Variants in AK9 observed in about 807,000 individuals in gnomAD.
AK9 encodes the protein adenylate kinase 9.
AK9 carries 191 observed loss-of-function variants against 239.6 expected under a neutral mutation model. That is an observed-to-expected ratio of 0.80 (90% CI 0.71 to 0.90). The LOEUF (loss-of-function observed/expected upper bound fraction) is 0.90. AK9 is among the 40% of genes least tolerant of loss of function. The pLI is 0.00. For synonymous variants in AK9, 689 were observed against 721.0 expected (o/e 0.96, Z 0.71); for missense variants, 1,995 against 2,214.7 (o/e 0.90, Z 1.99).
In AK9 at chr6:109,612,050, A is replaced by G; in HGVS notation, c.1653T>C (p.Ser551=). ...ACTTTACATCTTGACTAGCATCTTG[A>G]GAATGCCTTTTAAATGTGAATGTTT... ...TGETFTFKRH[S]QDASQDVKLY... is the part of the protein sequence containing the mutation. The change falls in exon 16 of 41, where the codon TCT becomes TCC. Residue 551 remains serine, a synonymous_variant. Coordinates refer to ENST00000424296, the MANE Select transcript of AK9 (RefSeq NM_001145128.3). 1 of 1,540,072 alleles carries G rather than the reference A, an allele frequency of 6.5e-7. No individual in the cohort carries two copies. Among genetic ancestry groups the G allele is most frequent in the South Asian group, 1.2e-5 (1 of 81,628 alleles).
intron 17 of AK9, among the ~76,000 whole-genome samples, chr6:109,592,051 A>G (rs1790317046): frequency 6.6e-6 from 1 of 151,748 alleles, no homozygotes; most frequent in African/African-American, 2.4e-5. Context: ...GAAAAATTGG[A>G]TTCATGAAAT....
intron 17 of AK9, among the ~76,000 whole-genome samples, chr6:109,602,894 A>T (rs1792237138): frequency 6.6e-6 from 1 of 152,134 alleles, no homozygotes; most frequent in Non-Finnish European, 1.5e-5. Context: ...TTCGTCACGT[A>T]GTTCTCGTGC....
At chr6:109,659,489 T>G in intron 6 of AK9, 76 bp from the exon 7 acceptor site, 2 of 1,514,384 alleles carry the variant, frequency 1.3e-6, no homozygotes, top group South Asian at 2.5e-5. Flanking sequence ...ATTGAATATA[T>G]TGTACAGTAC....
Position 109,633,195 on chromosome 6 carries a change from A to G in AK9, c.1062T>C (p.Asp354=). Residue 354 remains aspartate (D), a synonymous_variant, in exon 11 of 41, where the codon GAT becomes GAC. Coordinates refer to ENST00000424296, the MANE Select transcript of AK9 (RefSeq NM_001145128.3). Reference sequence around the variant, plus strand: ...AAAATCTTACTTACCTCACAGAATAATCTGGTAATCCTGAATAAATGTTAC... The same window carrying G: ...AAAATCTTACTTACCTCACAGAATAGTCTGGTAATCCTGAATAAATGTTAC... ...KDGNIYSGLP[D]YSVSFLGKIY... The G allele has an allele frequency of 6.3e-7, 1 of 1,591,816 alleles. No homozygotes were observed. Among genetic ancestry groups the G allele is most frequent in the Middle Eastern group, 1.7e-4 (1 of 5,992 alleles).
At chr6:109,659,934 G>A (rs1800209565) in intron 6 of AK9, among the ~76,000 whole-genome samples, 1 of 152,084 alleles carries the variant, frequency 6.6e-6, no homozygotes, top group African/African-American at 2.4e-5. Context: ...TTTATATTTT[G>A]TAAATGAGAA....
chr6:109,514,289 T>G lies in AK9; in HGVS notation c.4214A>C (p.Lys1405Thr). 1 of 1,551,880 alleles carries G rather than the reference T, an allele frequency of 6.4e-7. No individual in the cohort carries two copies. Among genetic ancestry groups the G allele is most frequent in the Middle Eastern group, 1.7e-4 (1 of 5,994 alleles). The change falls in exon 32 of 41, where the codon AAA becomes ACA. Residue 1405 changes from lysine to threonine, a missense_variant. Physicochemically the swap from Lys to Thr is moderately conservative, Grantham distance 78. This residue lies in a region of AK9 where 1,290 missense variants were observed against 1,392.7 expected (regional missense o/e 0.93). Transcript: ENST00000424296. ...KNPIKYIRQP[K>T]PKPTVPIRII... ...CCTAATGGGCACAGTAGGCTTAGGTTTGGGTTGGCGGATATATTTGATTGG... is the reference window on the plus strand; with the variant it reads ...CCTAATGGGCACAGTAGGCTTAGGTGTGGGTTGGCGGATATATTTGATTGG...
rs57475668 is a variant in AK9 at position 109,636,750 on chromosome 6, T to TCACACACACACACACACACACA, written c.934-3449_934-3428dup. 6.3e-3 allele frequency among the ~76,000 whole-genome samples: 857 copies of TCACACACACACACACACACACA among 135,522 alleles called. 19 individuals are homozygous for TCACACACACACACACACACACA. Among genetic ancestry groups the TCACACACACACACACACACACA allele is most frequent in the East Asian group, 0.043 (187 of 4,370 alleles). 88.9% of individuals were successfully genotyped at this position (135,522 alleles called of 152,430 possible). On this transcript the variant is annotated intron_variant, in intron 10 of 40. Transcript: ENST00000424296. ...CTCTTTAAGGTTGAATAATATTCCATCACACACACACACACACACACACAC... is the reference window on the plus strand; with the variant it reads ...CTCTTTAAGGTTGAATAATATTCCATCACACACACACACACACACACACACACACACACACACACACACACAC...
chr6:109,656,203 C>T lies in AK9; in HGVS notation c.759+553G>A, dbSNP rs76114183. Among the ~76,000 whole-genome samples, 1,477 of 152,250 alleles carry T rather than the reference C, an allele frequency of 9.7e-3. 30 individuals are homozygous for T. Among genetic ancestry groups the T allele is most frequent in the African/African-American group, 0.034 (1,400 of 41,552 alleles). On this transcript the variant is annotated intron_variant, in intron 8 of 40. Coordinates refer to ENST00000424296, the MANE Select transcript of AK9 (RefSeq NM_001145128.3). ...CCTGGACTTTTTACCATATAAAATACGCTTTTCGCTACTTGTAATCTCAGT... is the reference window on the plus strand; with the variant it reads ...CCTGGACTTTTTACCATATAAAATATGCTTTTCGCTACTTGTAATCTCAGT...
In AK9 at chr6:109,519,279, T is replaced by G. The variant is rs144264455; in HGVS notation, c.3634-2637A>C. 1.1e-4 allele frequency among the ~76,000 whole-genome samples: 17 copies of G among 152,340 alleles called. No individual in the cohort carries two copies. The East Asian group carries it at 3.3e-3, about 29-fold the overall frequency. On this transcript the variant is annotated intron_variant, in intron 29 of 40. Transcript: ENST00000424296. ...TGTGAATAGGGCTATGATGAACATA[T>G]GAGTGGATGTGTATTTTTGGTAGAA...
At chr6:109,684,438 A>C (rs1029009598) in intron 1 of AK9, among the ~76,000 whole-genome samples, 1 of 152,162 alleles carries the variant, frequency 6.6e-6, no homozygotes, top group African/African-American at 2.4e-5. Flanking sequence ...CAGCAAAAGA[A>C]ACTACCATCA....
At chr6:109,663,866 A>G (rs1401580087) in intron 5 of AK9, among the ~76,000 whole-genome samples, 1 of 152,218 alleles carries the variant, frequency 6.6e-6, no homozygotes, top group East Asian at 1.9e-4. Context: ...AATCAAGAAT[A>G]TCCACAATTA....
At chr6:109,598,643 C>T (rs1417966365) in intron 17 of AK9, among the ~76,000 whole-genome samples, 10 of 152,270 alleles carry the variant, frequency 6.6e-5, no homozygotes, top group East Asian at 3.9e-4. Flanking sequence ...CCTGAGGAAT[C>T]GCCACACTGT....
At chr6:109,624,212 G>A (rs148537783) in intron 12 of AK9, among the ~76,000 whole-genome samples, 2 of 151,988 alleles carry the variant, frequency 1.3e-5, no homozygotes, top group Non-Finnish European at 2.9e-5. Flanking sequence ...AAACTGGATT[G>A]GTTATTTTCT....
At chr6:109,529,483 G>C (rs1156843220) in intron 28 of AK9, among the ~76,000 whole-genome samples, 1 of 152,166 alleles carries the variant, frequency 6.6e-6, no homozygotes, top group Non-Finnish European at 1.5e-5. Context: ...TGAGGGACTG[G>C]TTTCACAGAA....
intron 35 of AK9, 68 bp downstream of exon 35, chr6:109,506,258 GT>G: frequency 7.1e-7 from 1 of 1,409,664 alleles, no homozygotes; most frequent in East Asian, 2.3e-5. Context: ...ATGAATTACA[GT>G]AACATGAGTC....
chr6:109,677,161 A>T, intron 1 of AK9, among the ~76,000 whole-genome samples: 1 of 152,146 alleles, frequency 6.6e-6, no homozygotes, highest in East Asian at 1.9e-4. Context: ...TATCTGAGTG[A>T]TGAAATAATC....
chr6:109,546,013 G>A lies in AK9; in HGVS notation c.3079C>T (p.Gln1027Ter), dbSNP rs891909576. Residue 1027 changes from glutamine (Q) to a stop codon, truncating the protein, a stop_gained, in exon 26 of 41, where the codon CAA (glutamine) becomes TAA (stop). Coordinates refer to ENST00000424296, the MANE Select transcript of AK9 (RefSeq NM_001145128.3). LOFTEE classifies it high-confidence loss of function. ...IFHIQFEEVLQEKLLLKTEKK... is the reference protein window; with the variant it reads ...IFHIQFEEVL ...TCAGTTTTGAGTAGTAGTTTTTCTT[G>A]AAGAACTTCTTCAAACTGAATGTGA... is the stretch of plus-strand genomic sequence containing the variant. The A allele has an allele frequency of 1.2e-5, 19 of 1,613,712 alleles. No individual in the cohort carries two copies. Among genetic ancestry groups the A allele is most frequent in the Non-Finnish European group, 1.6e-5 (19 of 1,179,960 alleles).
chr6:109,690,120 C>T (rs1004871092), intron 1 of AK9, among the ~76,000 whole-genome samples: 12 of 151,980 alleles, frequency 7.9e-5, no homozygotes, highest in African/African-American at 2.9e-4. Flanking sequence ...TGCTATAATT[C>T]TATAATTTTT....
intron 33 of AK9, among the ~76,000 whole-genome samples, 177 bp from the exon 34 acceptor site, chr6:109,506,977 G>A (rs1460615184): frequency 6.6e-6 from 1 of 151,998 alleles, no homozygotes; most frequent in Non-Finnish European, 1.5e-5. Context: ...TCTCAGTCAG[G>A]CCAAGAGCCA....
Sources: gnomAD v4.1 joint callset for allele counts (sites outside exome capture counted in the v4.1 genomes callset) on GRCh38, gnomAD v4.1.1 for gene constraint, gnomAD v4.1.1 regional missense constraint, MANE v1.5 for transcripts, NCBI Gene and HGNC (gene_info 2026-07-23, HGNC 2026-07-21) for gene names.